Variants in KDM2A observed in about 807,000 individuals in gnomAD.
KDM2A encodes the protein lysine demethylase 2A.
KDM2A carries 3 observed loss-of-function variants against 137.3 expected under a neutral mutation model. The observed-to-expected ratio is 0.02, with a 90% CI of 0.01 to 0.06. The LOEUF (loss-of-function observed/expected upper bound fraction) is 0.06. KDM2A is among the 10% of genes least tolerant of loss of function. The pLI, the probability that KDM2A is intolerant of heterozygous loss-of-function variation, is 1.00. For missense variants in KDM2A, 738 were observed against 1,510.6 expected (o/e 0.49, Z 8.48); for synonymous variants, 512 against 541.5 (o/e 0.95, Z 0.76).
At chr11:67,173,629 T>A (rs1289304549) in intron 2 of KDM2A, among the ~76,000 whole-genome samples, 1 of 152,190 alleles carries the variant, frequency 6.6e-6, no homozygotes, top group East Asian at 1.9e-4. Context: ...GCCAAAGTCA[T>A]CTGCCCGCCC....
In KDM2A at chr11:67,252,876, C is replaced by G. The variant is rs751139810; in HGVS notation, c.2932+19C>G. 4 of 1,589,550 alleles carry G rather than the reference C, an allele frequency of 2.5e-6. No individual in the cohort carries two copies. Among genetic ancestry groups the G allele is most frequent in the Middle Eastern group, 1.9e-4 (1 of 5,140 alleles). On this transcript the variant is annotated intron_variant, in intron 18 of 20. Transcript: ENST00000529006. ...CTGCCAGGTAAGTGAGCAGCCCTGC[C>G]GCTGTCTTTCCAGGGGCCCAGAAGA...
At chr11:67,235,532 A>G (rs1031286807) in intron 12 of KDM2A, among the ~76,000 whole-genome samples, 4 of 151,450 alleles carry the variant, frequency 2.6e-5, no homozygotes, top group Non-Finnish European at 4.4e-5. Flanking sequence ...TGAACTCCTG[A>G]CCTCAGATGA....
At chr11:67,207,413 G>A in intron 5 of KDM2A, 97 bp from the exon 6 acceptor site, 2 of 893,692 alleles carry the variant, frequency 2.2e-6, no homozygotes, top group South Asian at 2.7e-5. Context: ...AAATAAGAAA[G>A]GACAGTATTT....
intron 5 of KDM2A, among the ~76,000 whole-genome samples, chr11:67,184,821 G>A (rs1467778147): frequency 6.6e-6 from 1 of 152,064 alleles, no homozygotes; most frequent in Non-Finnish European, 1.5e-5. Context: ...TTGACACAGA[G>A]ATAGCCTATA....
chr11:67,201,190 T>C (rs1857611337), intron 5 of KDM2A, among the ~76,000 whole-genome samples: 1 of 123,462 alleles, frequency 8.1e-6, no homozygotes, highest in African/African-American at 3.4e-5. Flanking sequence ...CAAGACTCTG[T>C]CTCAAAAAAA....
chr11:67,222,997 A>C (rs1463968312), intron 10 of KDM2A, among the ~76,000 whole-genome samples: 7 of 151,924 alleles, frequency 4.6e-5, no homozygotes, highest in Non-Finnish European at 7.4e-5. Flanking sequence ...AGTTGAGACC[A>C]GCGTGAGCAA....
At chr11:67,253,005 C>G (rs1056302741) in intron 18 of KDM2A, 148 bp downstream of exon 18, 2 of 915,388 alleles carry the variant, frequency 2.2e-6, no homozygotes, top group South Asian at 3.5e-5. Context: ...GAGGTTTACC[C>G]AGGGCCATCT....
At chr11:67,146,498 CT>C (rs909692125) in intron 2 of KDM2A, among the ~76,000 whole-genome samples, 10 of 151,858 alleles carry the variant, frequency 6.6e-5, no homozygotes, top group African/African-American at 2.4e-4. Context: ...CAGATTCTCT[CT>C]CTTTGTCTGT....
chr11:67,254,449 G>C lies in KDM2A; in HGVS notation c.3307+31G>C. 1 of 1,590,144 alleles carries C rather than the reference G, an allele frequency of 6.3e-7. No individual in the cohort carries two copies. The highest frequency in any genetic ancestry group is 8.6e-7 in the Non-Finnish European group (1 of 1,159,532). The stretch of plus-strand genomic sequence containing the variant: ...CCGCTACAGTTGTTCATAATCAGCG[G>C]TGCCCCCTGCCTCCAGCCCTCCCTG... On this transcript the variant is annotated intron_variant, in intron 20 of 20. Transcript: ENST00000529006. This position sits in a 1 kb window ranked among gnomAD's most constrained non-coding sequence, Gnocchi z 4.7.
At chr11:67,157,808 A>G (rs1361314160) in intron 2 of KDM2A, among the ~76,000 whole-genome samples, 1 of 151,980 alleles carries the variant, frequency 6.6e-6, no homozygotes, top group Non-Finnish European at 1.5e-5. Flanking sequence ...TGAACCAATA[A>G]TGATTCATTA....
chr11:67,213,750 C>T (rs1434068018), intron 6 of KDM2A, among the ~76,000 whole-genome samples: 6 of 132,738 alleles, frequency 4.5e-5, no homozygotes, highest in East Asian at 2.2e-4. Flanking sequence ...CAGAGCAGAC[C>T]GTCTCAAAAA....
intron 2 of KDM2A, among the ~76,000 whole-genome samples, chr11:67,174,773 C>G: frequency 6.6e-6 from 1 of 152,256 alleles, no homozygotes; most frequent in Admixed American, 6.5e-5. Context: ...ATTTGGTCAT[C>G]TAAGTAGAAT....
At chr11:67,183,299 C>T (rs903275365) in intron 5 of KDM2A, among the ~76,000 whole-genome samples, 6 of 152,224 alleles carry the variant, frequency 3.9e-5, no homozygotes, top group Non-Finnish European at 7.3e-5. Flanking sequence ...TGTAATTTGA[C>T]CTCTTTTATT....
intron 5 of KDM2A, among the ~76,000 whole-genome samples, chr11:67,192,205 C>T (rs1224321724): frequency 2.0e-5 from 3 of 152,138 alleles, no homozygotes; most frequent in Admixed American, 6.6e-5. Context: ...CCTTCCTCCT[C>T]TCTCCAGAGA....
intron 9 of KDM2A, 74 bp downstream of exon 9, chr11:67,217,958 C>A: frequency 7.7e-7 from 1 of 1,302,512 alleles, no homozygotes; most frequent in Non-Finnish European, 1.0e-6. Context: ...GGATTACCAC[C>A]AAGAATAGTT....
intron 2 of KDM2A, among the ~76,000 whole-genome samples, chr11:67,152,783 T>C (rs1390843899): frequency 6.6e-6 from 1 of 152,194 alleles, no homozygotes; most frequent in African/African-American, 2.4e-5. Context: ...TGTTTAATGA[T>C]TTCAGTTCAG....
chr11:67,133,947 C>T (rs1460678358), intron 2 of KDM2A, among the ~76,000 whole-genome samples: 1 of 152,144 alleles, frequency 6.6e-6, no homozygotes, highest in Admixed American at 6.6e-5. Context: ...CCACCTCGGC[C>T]TCCCAAAGTG....
At chr11:67,138,452 C>T (rs544728380) in intron 2 of KDM2A, among the ~76,000 whole-genome samples, 1 of 152,286 alleles carries the variant, frequency 6.6e-6, no homozygotes, top group East Asian at 1.9e-4. Flanking sequence ...TCAAAGTGTG[C>T]TCCCCAGACC....
At chr11:67,149,616 T>C (rs1415447131) in intron 2 of KDM2A, among the ~76,000 whole-genome samples, 1 of 152,064 alleles carries the variant, frequency 6.6e-6, no homozygotes, top group Non-Finnish European at 1.5e-5. Context: ...CCATGTCTTT[T>C]TCTTTGCTTT....
Sources: gnomAD v4.1 joint callset for allele counts (sites outside exome capture counted in the v4.1 genomes callset) on GRCh38, gnomAD v4.1.1 for gene constraint, Gnocchi (gnomAD v3.1) non-coding constraint, MANE v1.5 for transcripts, NCBI Gene and HGNC (gene_info 2026-07-23, HGNC 2026-07-21) for gene names.